The following DYNC1I1 variants were observed in gnomAD, a reference collection of about 807,000 sequenced individuals.
DYNC1I1 encodes dynein cytoplasmic 1 intermediate chain 1.
In DYNC1I1, 43 loss-of-function variants were observed where a neutral mutation model predicts 86.6. That is an observed-to-expected ratio of 0.50 (90% confidence interval 0.39 to 0.64). The LOEUF is 0.64. Among genes scored for constraint, DYNC1I1 ranks in the 30% least tolerant of loss-of-function variants. The probability of loss-of-function intolerance (pLI) is 0.00; values close to 1 mark genes in which losing one functional copy is unlikely to be tolerated. For synonymous variants in DYNC1I1, 262 were observed against 283.7 expected, an observed-to-expected ratio of 0.92 and a Z score of 0.77; for missense variants, 604 against 788.8, an observed-to-expected ratio of 0.77 and a Z score of 2.81.
chr7:96,087,965 T>C (rs1790731960), intron 16 of DYNC1I1, among the ~76,000 whole-genome samples: 1 of 152,224 alleles, frequency 6.6e-6, no homozygotes. Flanking sequence ...GTAATTTTGG[T>C]ATTAACTTTA....
At chr7:95,915,861 A>G (rs1057386646) in intron 6 of DYNC1I1, among the ~76,000 whole-genome samples, 1 of 152,196 alleles carries the variant, frequency 6.6e-6, no homozygotes, top group African/African-American at 2.4e-5. Flanking sequence ...TGTGCCAATA[A>G]ATAGGGTTTC....
At chr7:95,843,682 G>C (rs1789350371) in intron 5 of DYNC1I1, among the ~76,000 whole-genome samples, 1 of 152,044 alleles carries the variant, frequency 6.6e-6, no homozygotes, top group South Asian at 2.1e-4. Flanking sequence ...AGAGAAAAAA[G>C]GGAGATGATA....
chr7:95,889,611 G>A (rs1314802650), intron 6 of DYNC1I1, among the ~76,000 whole-genome samples: 1 of 152,122 alleles, frequency 6.6e-6, no homozygotes, highest in Non-Finnish European at 1.5e-5. Flanking sequence ...AAACTTAAGA[G>A]TTTCTGCACA....
chr7:96,002,805 TTTTTGG>T (rs1287415253), intron 10 of DYNC1I1, among the ~76,000 whole-genome samples: 1 of 151,840 alleles, frequency 6.6e-6, no homozygotes, highest in Non-Finnish European at 1.5e-5. Context: ...CAGCATTTTT[TTTTTGG>T]TTTTGGTTTT....
At chr7:95,862,409 T>C (rs1789910223) in intron 5 of DYNC1I1, among the ~76,000 whole-genome samples, 1 of 151,544 alleles carries the variant, frequency 6.6e-6, no homozygotes, top group Non-Finnish European at 1.5e-5. Flanking sequence ...AATAGGCATG[T>C]TCTCCAAAGA....
chr7:96,104,674 T>C (rs1207573034), intron 16 of DYNC1I1, among the ~76,000 whole-genome samples: 1 of 152,148 alleles, frequency 6.6e-6, no homozygotes, highest in African/African-American at 2.4e-5. Flanking sequence ...AGAAAAACAA[T>C]TGTCCATATA....
chr7:95,921,714 G>T (rs1180773823), intron 6 of DYNC1I1, among the ~76,000 whole-genome samples: 1 of 152,148 alleles, frequency 6.6e-6, no homozygotes, highest in Non-Finnish European at 1.5e-5. Context: ...TGACTCATGA[G>T]ACTATCACAC....
intron 6 of DYNC1I1, among the ~76,000 whole-genome samples, chr7:95,926,795 C>T (rs533896576): frequency 6.6e-6 from 1 of 152,192 alleles, no homozygotes; most frequent in Non-Finnish European, 1.5e-5. Flanking sequence ...ACACTGTTGA[C>T]CTTGTTCTTT....
Position 96,035,665 on chromosome 7 carries a change from C to G in DYNC1I1, c.1277C>G (p.Thr426Ser). The G allele has an allele frequency of 2.5e-6, 4 of 1,611,592 alleles. No individual in the cohort carries two copies. Among genetic ancestry groups the G allele is most frequent in the Non-Finnish European group, 3.4e-6 (4 of 1,178,878 alleles). The change falls in exon 13 of 17, where the codon ACC (threonine) becomes AGC (serine). Residue 426 changes from threonine to serine, a missense_variant. Thr to Ser is a moderately conservative substitution (Grantham distance 58). Transcript: ENST00000447467. ...VYNKSKPVAV[T>S]GMAFPTGDVN... is the part of the protein sequence containing the mutation. ...AATAAGTCCAAGCCTGTCGCTGTTACCGGAATGGCTTTCCCAACGGGAGAC... is the reference window on the plus strand; with the variant it reads ...AATAAGTCCAAGCCTGTCGCTGTTAGCGGAATGGCTTTCCCAACGGGAGAC...
rs530715033 is a variant in DYNC1I1, at chr7:95,948,855, G to A, written c.491-28657G>A. 1.2e-4 allele frequency among the ~76,000 whole-genome samples: 19 copies of A among 152,306 alleles called. No individual in the cohort carries two copies. The East Asian group carries it at 3.7e-3, about 29-fold the overall frequency. On this transcript the variant is annotated intron_variant, in intron 6 of 16. Coordinates refer to ENST00000447467, the MANE Select transcript of DYNC1I1 (RefSeq NM_001135556.2). ...AATTTTGTGAGAAGTAGGAGTTGGTGAAGCAACCAATTCAGCAATTCTTTA... is the reference window on the plus strand; with the variant it reads ...AATTTTGTGAGAAGTAGGAGTTGGTAAAGCAACCAATTCAGCAATTCTTTA...
intron 6 of DYNC1I1, among the ~76,000 whole-genome samples, chr7:95,890,345 A>G (rs1449205149): frequency 6.6e-6 from 1 of 152,186 alleles, no homozygotes; most frequent in Non-Finnish European, 1.5e-5. Context: ...GGCAAATACC[A>G]CATGTTCTCA....
At chr7:95,803,378 A>G (rs190801895) in intron 1 of DYNC1I1, among the ~76,000 whole-genome samples, 2 of 152,372 alleles carry the variant, frequency 1.3e-5, no homozygotes, top group East Asian at 3.9e-4. Context: ...CACAGATTAA[A>G]TACAGCAAAT....
At chr7:96,094,099 A>C (rs1790927342) in intron 16 of DYNC1I1, among the ~76,000 whole-genome samples, 1 of 152,194 alleles carries the variant, frequency 6.6e-6, no homozygotes, top group Non-Finnish European at 1.5e-5. Flanking sequence ...TTTTAATGCC[A>C]GTATTCACAC....
chr7:96,061,663 C>T (rs1229407416), intron 14 of DYNC1I1, among the ~76,000 whole-genome samples: 4 of 151,308 alleles, frequency 2.6e-5, no homozygotes, highest in African/African-American at 9.7e-5. Flanking sequence ...GTCTCTCTCT[C>T]TCTTCCTCTC....
At chr7:96,031,561 G>A (rs892922191) in intron 11 of DYNC1I1, among the ~76,000 whole-genome samples, 7 of 152,120 alleles carry the variant, frequency 4.6e-5, no homozygotes, top group African/African-American at 7.2e-5. Flanking sequence ...CCACCTCTTG[G>A]TTGAGGCAGA....
chr7:96,098,198 A>G lies in DYNC1I1; in HGVS notation c.*605A>G, dbSNP rs1180848701. On this transcript the variant is annotated 3_prime_UTR_variant, in exon 17 of 17. Transcript: ENST00000447467. The stretch of plus-strand genomic sequence containing the variant: ...CTCTGCTGCTGTTGAGGTTATATTA[A>G]GTTCCACATAGCAATTACAGTATGC... 2 of 985,788 alleles carry G rather than the reference A, an allele frequency of 2.0e-6. No individual in the cohort carries two copies. The highest frequency in any genetic ancestry group is 6.2e-5 in the Admixed American group (1 of 16,260). 61.1% of individuals were successfully genotyped at this position (985,788 alleles called of 1,614,324 possible). A position where few individuals can be genotyped will look rare whatever the true frequency, so the allele number is the denominator to read the frequency against.
At chr7:96,094,234 A>G (rs749446664) in intron 16 of DYNC1I1, among the ~76,000 whole-genome samples, 3 of 152,202 alleles carry the variant, frequency 2.0e-5, no homozygotes, top group Non-Finnish European at 4.4e-5. Context: ...CACTCAATCA[A>G]TGCTGATTGA....
At chr7:95,862,632 A>G (rs1279678701) in intron 5 of DYNC1I1, among the ~76,000 whole-genome samples, 2 of 152,206 alleles carry the variant, frequency 1.3e-5, no homozygotes, top group African/African-American at 2.4e-5. Context: ...CACTTTGGAA[A>G]ATAATTTGAC....
intron 1 of DYNC1I1, among the ~76,000 whole-genome samples, chr7:95,784,066 G>A (rs1210798756): frequency 6.6e-6 from 1 of 152,106 alleles, no homozygotes; most frequent in East Asian, 1.9e-4. Flanking sequence ...ATGGATGTGG[G>A]CTTAGTAATT....
Sources: gnomAD v4.1 joint callset for allele counts (sites outside exome capture counted in the v4.1 genomes callset) on GRCh38, gnomAD v4.1.1 for gene constraint, MANE v1.5 for transcripts, NCBI Gene and HGNC (gene_info 2026-07-23, HGNC 2026-07-21) for gene names.